The following MYO16 variants were observed in gnomAD, a reference collection of about 807,000 sequenced individuals.
The protein encoded by MYO16 is myosin XVI, also known as unconventional myosin-XVI.
MYO16 carries 94 observed loss-of-function variants against 205.3 expected under a neutral mutation model. The observed-to-expected ratio is 0.46, with a 90% confidence interval of 0.39 to 0.54. The LOEUF (loss-of-function observed/expected upper bound fraction) is 0.54. MYO16 is among the 20% of genes least tolerant of loss of function. The pLI, the probability that MYO16 is intolerant of heterozygous loss-of-function variation, is 0.00. For synonymous variants in MYO16, 988 were observed against 954.0 expected, an observed-to-expected ratio of 1.04 and a Z score of -0.66; for missense variants, 2,315 against 2,387.5, an observed-to-expected ratio of 0.97 and a Z score of 0.63.
At chr13:108,530,627 A>T in the MYO16 span, among the ~76,000 whole-genome samples, 1 of 152,234 alleles carries the variant, frequency 6.6e-6, no homozygotes, top group African/African-American at 2.4e-5. Flanking sequence ...TGTTTTGATC[A>T]CTGCCATATT....
At chr13:108,645,874 A>G (rs1244811994) in intron 1 of MYO16, among the ~76,000 whole-genome samples, 3 of 152,164 alleles carry the variant, frequency 2.0e-5, no homozygotes, top group Non-Finnish European at 2.9e-5. Context: ...GAGGAAGCGG[A>G]ATCAGTACCT....
At chr13:108,794,170 A>T (rs1249694954) in intron 6 of MYO16, among the ~76,000 whole-genome samples, 1 of 151,538 alleles carries the variant, frequency 6.6e-6, no homozygotes, top group Non-Finnish European at 1.5e-5. Flanking sequence ...ACCAGGGCCC[A>T]CTTAAGGGTG....
chr13:108,634,317 C>A lies in MYO16; in HGVS notation c.28+4445C>A, dbSNP rs548818071. Among the ~76,000 whole-genome samples, 6 of 152,258 alleles carry A rather than the reference C, an allele frequency of 3.9e-5. No homozygotes were observed. In the Middle Eastern group the frequency reaches 0.014, roughly 345 times the overall value. On this transcript the variant is annotated intron_variant, in intron 1 of 34. Transcript: ENST00000457511. ...TCTTTGCCCACTTCTCACCTGCAGTCCTGAATTTCCTCCTGTGTGTCCAAG... is the reference window on the plus strand; with the variant it reads ...TCTTTGCCCACTTCTCACCTGCAGTACTGAATTTCCTCCTGTGTGTCCAAG...
intron 2 of MYO16, among the ~76,000 whole-genome samples, chr13:108,696,460 A>C (rs1176767952): frequency 1.3e-5 from 2 of 152,196 alleles, no homozygotes; most frequent in African/African-American, 4.8e-5. Flanking sequence ...CACAAACACA[A>C]GACTGAAAGA....
intron 9 of MYO16, among the ~76,000 whole-genome samples, chr13:108,831,297 G>T (rs1876609051): frequency 6.6e-6 from 1 of 152,086 alleles, no homozygotes; most frequent in African/African-American, 2.4e-5. Context: ...AGCTAAATTT[G>T]AATTTGTAAT....
chr13:108,538,231 G>T, the MYO16 span, among the ~76,000 whole-genome samples: 1 of 152,044 alleles, frequency 6.6e-6, no homozygotes, highest in African/African-American at 2.4e-5. Context: ...AGAAAGAAAG[G>T]TTCAAGGTGG....
Position 108,785,749 on chromosome 13 carries a change from C to A in MYO16, c.616+6C>A. ...GACCTATCTGGATGAAAATGGTAGG[C>A]AAAAACTTTTAAAACCATAGAAAAA... On this transcript the variant is annotated splice_donor_region_variant and intron_variant, in intron 5 of 34. Transcript: ENST00000457511. 2 of 1,553,292 alleles carry A rather than the reference C, an allele frequency of 1.3e-6. No homozygotes were observed. The highest frequency in any genetic ancestry group is 1.8e-6 in the Non-Finnish European group (2 of 1,135,552).
chr13:109,074,217 T>C (rs1367657), intron 27 of MYO16, among the ~76,000 whole-genome samples: 73,199 of 151,982 alleles, frequency 0.48, 17,868 homozygotes, highest in Middle Eastern at 0.54. Flanking sequence ...TGGTAACATC[T>C]ATCACCCCCC....
At chr13:108,733,857 T>C (rs1243093220) in intron 4 of MYO16, among the ~76,000 whole-genome samples, 4 of 152,114 alleles carry the variant, frequency 2.6e-5, no homozygotes, top group African/African-American at 9.7e-5. Flanking sequence ...TAGTCCCAGC[T>C]ACTCGGGAGG....
At chr13:108,957,526 TATC>T (rs1883416442) in intron 16 of MYO16, among the ~76,000 whole-genome samples, 159 bp from the exon 17 acceptor site, 1 of 152,148 alleles carries the variant, frequency 6.6e-6, no homozygotes, top group Admixed American at 6.5e-5. Flanking sequence ...TTTCCTGAGA[TATC>T]ATGTGCTGTG....
At chr13:108,867,237 G>A in intron 12 of MYO16, among the ~76,000 whole-genome samples, 1 of 152,066 alleles carries the variant, frequency 6.6e-6, no homozygotes, top group Non-Finnish European at 1.5e-5. Flanking sequence ...GTGGTGGTGT[G>A]TGCCTGTGGT....
chr13:108,590,873 G>T, the MYO16 span, among the ~76,000 whole-genome samples: 1 of 152,172 alleles, frequency 6.6e-6, no homozygotes, highest in Non-Finnish European at 1.5e-5. Context: ...TTTCAGAGAT[G>T]CAGCCTCCAG....
chr13:108,961,711 T>A, intron 18 of MYO16, 55 bp downstream of exon 18: 2 of 1,391,364 alleles, frequency 1.4e-6, no homozygotes, highest in Non-Finnish European at 2.0e-6. Flanking sequence ...ATTTTGTAGA[T>A]CTACCAGTAG....
intron 3 of MYO16, among the ~76,000 whole-genome samples, chr13:108,714,621 T>TAG (rs908183315): frequency 1.6e-4 from 23 of 140,918 alleles, no homozygotes; most frequent in African/African-American, 4.8e-4. Flanking sequence ...TGTATATATA[T>TAG]AGAGAGAGAG....
chr13:108,838,769 T>TGCAC (rs1190170034), intron 9 of MYO16, among the ~76,000 whole-genome samples: 2 of 21,006 alleles, frequency 9.5e-5, no homozygotes, highest in Non-Finnish European at 9.9e-5. Flanking sequence ...CACACACAAA[T>TGCAC]GCACACACAC....
At chr13:109,171,625 G>A (rs1159396370) in intron 33 of MYO16, among the ~76,000 whole-genome samples, 1 of 152,144 alleles carries the variant, frequency 6.6e-6, no homozygotes, top group African/African-American at 2.4e-5. Flanking sequence ...CCCTGGACTT[G>A]TGGTTATTTA....
intron 9 of MYO16, among the ~76,000 whole-genome samples, chr13:108,828,050 C>T (rs1876382595): frequency 6.6e-6 from 1 of 152,098 alleles, no homozygotes; most frequent in Non-Finnish European, 1.5e-5. Context: ...TTTTTTACTA[C>T]AGTTACCAGG....
rs1006364618 is a variant in MYO16, at chr13:109,179,532, A to G, written c.5324-10A>G. 1.9e-5 allele frequency: 31 copies of G among 1,603,268 alleles called. No homozygotes were observed. Among genetic ancestry groups the G allele is most frequent in the Non-Finnish European group, 2.6e-5 (30 of 1,170,156 alleles). On this transcript the variant is annotated splice_polypyrimidine_tract_variant and intron_variant, in intron 33 of 34. Transcript: ENST00000457511. Reference sequence around the variant, plus strand: ...ACTGCTTAACTCCCGATTTGTGTTGACCTCAATAGGTTTACCTGAAGAAGA... The same window carrying G: ...ACTGCTTAACTCCCGATTTGTGTTGGCCTCAATAGGTTTACCTGAAGAAGA...
chr13:108,925,752 C>T (rs973143529), intron 16 of MYO16, among the ~76,000 whole-genome samples: 3 of 152,200 alleles, frequency 2.0e-5, no homozygotes, highest in Non-Finnish European at 2.9e-5. Flanking sequence ...TACAGGACTT[C>T]GCTCCCATCA....
Sources: allele counts gnomAD v4.1 joint callset (sites outside exome capture counted in the v4.1 genomes callset), GRCh38; gene constraint gnomAD v4.1.1; transcripts MANE v1.5; gene names NCBI Gene and HGNC (gene_info 2026-07-23, HGNC 2026-07-21).